CFAP61: variants seen among roughly 807,000 people sequenced by gnomAD.
CFAP61 encodes cilia- and flagella-associated protein 61.
In CFAP61, 107 loss-of-function variants were observed where a neutral mutation model predicts 135.6. That is an observed-to-expected ratio of 0.79 (90% CI 0.67 to 0.93). The LOEUF (loss-of-function observed/expected upper bound fraction) is 0.93. Among genes scored for constraint, CFAP61 ranks in the 40% least tolerant of loss-of-function variants. The pLI is 0.00. For missense variants in CFAP61, 1,507 were observed against 1,556.2 expected, an observed-to-expected ratio of 0.97 and a Z score of 0.53; for synonymous variants, 575 against 578.5, an observed-to-expected ratio of 0.99 and a Z score of 0.09.
chr20:20,056,337 A>G (rs1017067534), intron 1 of CFAP61, among the ~76,000 whole-genome samples: 4 of 152,316 alleles, frequency 2.6e-5, no homozygotes, highest in South Asian at 2.1e-4. Context: ...ATTCCTTTCA[A>G]TGTTTTTCCA....
intron 26 of CFAP61, among the ~76,000 whole-genome samples, chr20:20,343,375 CAG>C (rs1173193638): frequency 1.3e-5 from 2 of 152,160 alleles, no homozygotes; most frequent in Non-Finnish European, 2.9e-5. Flanking sequence ...GATTGGGAAA[CAG>C]AGGTTTAAAG....
Position 20,216,765 on chromosome 20 carries a change from G to A in CFAP61, c.1933-11484G>A, listed in dbSNP as rs1285044573. On this transcript the variant is annotated intron_variant, in intron 17 of 26. Transcript: ENST00000245957. ...CATCAGGAATTGATTCAAAGAATGA[G>A]AAGAAAAACAGTGGAAATTTTCTAT... 2.6e-5 allele frequency among the ~76,000 whole-genome samples: 4 copies of A among 151,486 alleles called. No individual in the cohort carries two copies. The South Asian group carries it at 8.3e-4, about 32-fold the overall frequency.
chr20:20,311,266 G>A (rs1159148339), intron 25 of CFAP61, among the ~76,000 whole-genome samples: 3 of 152,122 alleles, frequency 2.0e-5, no homozygotes, highest in Non-Finnish European at 4.4e-5. Flanking sequence ...TAATATACAG[G>A]TCCACAAAAC....
In CFAP61 at chr20:20,093,100, G is replaced by A. The variant is rs374343645; in HGVS notation, c.699+2124G>A. On this transcript the variant is annotated intron_variant, in intron 7 of 26. Coordinates refer to ENST00000245957, the MANE Select transcript of CFAP61 (RefSeq NM_015585.4). ...CTGATGAATAGATAAACAAGATGTGGTATATCCACACAAGGGAATAGTACC... is the reference window on the plus strand; with the variant it reads ...CTGATGAATAGATAAACAAGATGTGATATATCCACACAAGGGAATAGTACC... 2.6e-5 allele frequency among the ~76,000 whole-genome samples: 4 copies of A among 152,184 alleles called. No individual in the cohort carries two copies. In the East Asian group the frequency reaches 7.7e-4, roughly 29 times the overall value.
intron 13 of CFAP61, among the ~76,000 whole-genome samples, chr20:20,178,096 T>A (rs1190635895): frequency 1.3e-5 from 2 of 152,210 alleles, no homozygotes; most frequent in Admixed American, 6.5e-5. Context: ...TCATCTGCCC[T>A]CTGGCTGTGC....
At chr20:20,330,809 C>G (rs1175504926) in intron 25 of CFAP61, among the ~76,000 whole-genome samples, 1 of 152,142 alleles carries the variant, frequency 6.6e-6, no homozygotes, top group African/African-American at 2.4e-5. Context: ...AAAAATGGGG[C>G]TCTGATACCT....
intron 17 of CFAP61, among the ~76,000 whole-genome samples, chr20:20,210,589 C>G (rs1188472621): frequency 6.6e-6 from 1 of 152,198 alleles, no homozygotes; most frequent in Non-Finnish European, 1.5e-5. Context: ...AGTACAAAAA[C>G]AACACCCCAC....
intron 22 of CFAP61, among the ~76,000 whole-genome samples, chr20:20,285,942 C>T (rs1188139126): frequency 1.5e-5 from 2 of 131,996 alleles, no homozygotes; most frequent in African/African-American, 5.7e-5. Context: ...AAAACAAAAA[C>T]AAACAAACAA....
chr20:20,289,893 C>T (rs376553403), intron 23 of CFAP61, among the ~76,000 whole-genome samples: 2 of 152,296 alleles, frequency 1.3e-5, no homozygotes, highest in East Asian at 1.9e-4. Flanking sequence ...GTTGATAGTC[C>T]TAATTAAATT....
At chr20:20,069,206 G>T (rs1355709048) in intron 2 of CFAP61, among the ~76,000 whole-genome samples, 1 of 152,208 alleles carries the variant, frequency 6.6e-6, no homozygotes, top group Non-Finnish European at 1.5e-5. Context: ...CTTGTAAAAG[G>T]TTACACTGTC....
intron 8 of CFAP61, among the ~76,000 whole-genome samples, chr20:20,137,477 G>A (rs185536405): frequency 6.5e-4 from 99 of 152,214 alleles, no homozygotes; most frequent in African/African-American, 1.9e-3. Flanking sequence ...AGTACTTTCC[G>A]CTCTTCCCTC....
At chr20:20,166,340 C>G (rs2053830228) in intron 11 of CFAP61, 57 bp from the exon 12 acceptor site, 5 of 1,427,192 alleles carry the variant, frequency 3.5e-6, no homozygotes, top group Non-Finnish European at 4.9e-6. Context: ...CTGTAAACGT[C>G]CACTGATGTT....
rs1190563583 is a variant in CFAP61, at chr20:20,052,539, G to A, written c.-89G>A. 2.5e-6 allele frequency: 4 copies of A among 1,614,082 alleles called. No homozygotes were observed. The African/African-American group carries it at 5.3e-5, about 22-fold the overall frequency. ...ACCGTTTCCATGGTGACCAGGCTGC[G>A]CGTCCTCCTTGCGGCAGCGCGTGGA... On this transcript the variant is annotated 5_prime_UTR_variant, in exon 1 of 27. Coordinates refer to ENST00000245957, the MANE Select transcript of CFAP61 (RefSeq NM_015585.4).
intron 26 of CFAP61, among the ~76,000 whole-genome samples, chr20:20,354,687 G>A (rs537545616): frequency 6.6e-6 from 1 of 151,720 alleles, no homozygotes; most frequent in African/African-American, 2.4e-5. Flanking sequence ...TAGTCACATT[G>A]TGAGAGAAAA....
chr20:20,355,964 A>G (rs2059119103), intron 26 of CFAP61, among the ~76,000 whole-genome samples: 1 of 77,104 alleles, frequency 1.3e-5, no homozygotes, highest in Non-Finnish European at 2.6e-5. Flanking sequence ...CTGTAAGGGG[A>G]GGTGATCACA....
At chr20:20,109,558 G>A (rs6035551) in intron 8 of CFAP61, among the ~76,000 whole-genome samples, 138,802 of 152,200 alleles carry the variant, frequency 0.91, 63,404 homozygotes, top group African/African-American at 0.96. Context: ...TTTGTAGCCA[G>A]AATAGACTTC....
intron 22 of CFAP61, among the ~76,000 whole-genome samples, chr20:20,282,596 A>G (rs543632601): frequency 1.3e-5 from 2 of 152,314 alleles, no homozygotes; most frequent in South Asian, 4.1e-4. Context: ...TAAATATTAT[A>G]TTTTTAATTG....
intron 2 of CFAP61, 27 bp downstream of exon 2, chr20:20,056,823 G>T (rs2044377328): frequency 6.2e-7 from 1 of 1,611,658 alleles, no homozygotes; most frequent in African/African-American, 1.3e-5. Flanking sequence ...GTTCAAGAAT[G>T]TTCATCAATT....
chr20:20,110,087 T>C (rs986487833), intron 8 of CFAP61, among the ~76,000 whole-genome samples: 1 of 152,050 alleles, frequency 6.6e-6, no homozygotes, highest in African/African-American at 2.4e-5. Flanking sequence ...TTGGTATTTT[T>C]AGTAGAGACG....
Sources: allele counts gnomAD v4.1 joint callset (sites outside exome capture counted in the v4.1 genomes callset), GRCh38; gene constraint gnomAD v4.1.1; transcripts MANE v1.5; gene names NCBI Gene and HGNC (gene_info 2026-07-23, HGNC 2026-07-21).